The following EYS variants were observed in gnomAD, a reference collection of about 807,000 sequenced individuals.
EYS encodes the protein EGF-like photoreceptor maintenance factor, also known as protein eyes shut homolog.
Under a neutral mutation model 282.1 loss-of-function variants are expected in EYS, and 250 were observed. The ratio of observed to expected loss-of-function variants is 0.89; its 90% confidence interval spans 0.80 to 0.98. The LOEUF (loss-of-function observed/expected upper bound fraction) is 0.98. EYS is among the 50% of genes least tolerant of loss of function. The pLI is 0.00. For synonymous variants in EYS, 1,355 were observed against 1,282.9 expected (o/e 1.06, Z -1.20); for missense variants, 4,016 against 3,709.0 (o/e 1.08, Z -2.15).
chr6:64,352,735 CTA>C (rs1381942967), intron 29 of EYS, among the ~76,000 whole-genome samples: 1 of 151,462 alleles, frequency 6.6e-6, no homozygotes, highest in Admixed American at 6.6e-5. Context: ...GTTCTTATAT[CTA>C]TATGGAAGAA....
intron 14 of EYS, among the ~76,000 whole-genome samples, chr6:64,962,420 T>C (rs944457655): frequency 4.6e-5 from 7 of 152,034 alleles, no homozygotes; most frequent in Non-Finnish European, 8.8e-5. Flanking sequence ...TTCTTTACTC[T>C]AAATTGTGTT....
At chr6:65,277,941 T>C (rs182292566) in intron 12 of EYS, among the ~76,000 whole-genome samples, 77 of 152,254 alleles carry the variant, frequency 5.1e-4, no homozygotes, top group African/African-American at 1.7e-3. Flanking sequence ...GCTTAAACAT[T>C]GTGGGTGTTT....
At chr6:64,243,212 T>C (rs1321367974) in intron 30 of EYS, among the ~76,000 whole-genome samples, 1 of 152,060 alleles carries the variant, frequency 6.6e-6, no homozygotes, top group African/African-American at 2.4e-5. Context: ...AATCACTCTC[T>C]GTGTTACATT....
At chr6:63,809,322 G>A (rs1562036544) in intron 36 of EYS, among the ~76,000 whole-genome samples, 1 of 152,138 alleles carries the variant, frequency 6.6e-6, no homozygotes. Context: ...TCTTCCGCCA[G>A]GTAACATTTG....
At chr6:65,624,592 G>A (rs1377264991) in intron 2 of EYS, among the ~76,000 whole-genome samples, 1 of 152,158 alleles carries the variant, frequency 6.6e-6, no homozygotes, top group African/African-American at 2.4e-5. Context: ...TGCATAGGGA[G>A]AGGCAGACCC....
intron 12 of EYS, among the ~76,000 whole-genome samples, chr6:65,129,092 T>C (rs1775797192): frequency 6.6e-6 from 1 of 152,014 alleles, no homozygotes; most frequent in Non-Finnish European, 1.5e-5. Flanking sequence ...TGGTGGGTGC[T>C]GAGATAACTG....
chr6:64,327,418 G>T (rs142159211), intron 29 of EYS, among the ~76,000 whole-genome samples: 1 of 152,100 alleles, frequency 6.6e-6, no homozygotes, highest in East Asian at 1.9e-4. Context: ...ATGATATTGG[G>T]TTATGCTAAC....
chr6:65,134,132 T>C (rs140067250), intron 12 of EYS, among the ~76,000 whole-genome samples: 1 of 152,006 alleles, frequency 6.6e-6, no homozygotes, highest in African/African-American at 2.4e-5. Flanking sequence ...GCAAAAATTG[T>C]GGAGAAAAGG....
At chr6:64,759,733 T>G (rs1773096502) in intron 22 of EYS, among the ~76,000 whole-genome samples, 1 of 152,184 alleles carries the variant, frequency 6.6e-6, no homozygotes. Flanking sequence ...TCTGAATTAT[T>G]TTTAAGAACA....
intron 12 of EYS, among the ~76,000 whole-genome samples, chr6:65,231,051 G>GTATA (rs201704316): frequency 8.3e-5 from 12 of 144,780 alleles, no homozygotes; most frequent in Non-Finnish European, 1.7e-4. Flanking sequence ...AAAATTAAAA[G>GTATA]TATATATATA....
At chr6:63,966,856 C>T (rs568621154) in intron 35 of EYS, among the ~76,000 whole-genome samples, 1 of 152,294 alleles carries the variant, frequency 6.6e-6, no homozygotes, top group African/African-American at 2.4e-5. Flanking sequence ...AGGGGTTTAT[C>T]TGGCAATAAT....
intron 19 of EYS, among the ~76,000 whole-genome samples, chr6:64,881,519 G>A (rs369431378): frequency 4.3e-4 from 66 of 151,736 alleles, no homozygotes; most frequent in African/African-American, 1.5e-3. Context: ...AAATATCTCC[G>A]ATTACTTTAC....
intron 14 of EYS, among the ~76,000 whole-genome samples, chr6:64,952,158 A>G (rs577663985): frequency 6.6e-6 from 1 of 152,110 alleles, no homozygotes; most frequent in East Asian, 1.9e-4. Flanking sequence ...CAACATCATA[A>G]TGGAGTGAAA....
intron 30 of EYS, among the ~76,000 whole-genome samples, chr6:64,284,766 G>A (rs1768437274): frequency 6.6e-6 from 1 of 152,144 alleles, no homozygotes; most frequent in African/African-American, 2.4e-5. Flanking sequence ...ACACAACCTG[G>A]AAGCTGCCAA....
At chr6:63,992,029 A>G (rs936402161) in intron 34 of EYS, among the ~76,000 whole-genome samples, 2 of 151,824 alleles carry the variant, frequency 1.3e-5, no homozygotes, top group Admixed American at 1.3e-4. Flanking sequence ...AGACATAAAG[A>G]CTTTCCCCAT....
At chr6:64,047,650 G>A (rs1474483738) in intron 33 of EYS, among the ~76,000 whole-genome samples, 1 of 152,188 alleles carries the variant, frequency 6.6e-6, no homozygotes, top group Non-Finnish European at 1.5e-5. Flanking sequence ...CACATAATAA[G>A]CACCATGTGA....
At chr6:65,249,578 T>A (rs1213288995) in intron 12 of EYS, among the ~76,000 whole-genome samples, 1 of 151,860 alleles carries the variant, frequency 6.6e-6, no homozygotes, top group African/African-American at 2.4e-5. Flanking sequence ...AAAAGTGGTT[T>A]AAACACTATC....
At chr6:65,455,140 A>G (rs766727611) in intron 5 of EYS, among the ~76,000 whole-genome samples, 10 of 152,196 alleles carry the variant, frequency 6.6e-5, no homozygotes, top group Non-Finnish European at 1.0e-4. Flanking sequence ...TAAACATGGG[A>G]TTATGTCCGT....
intron 28 of EYS, among the ~76,000 whole-genome samples, chr6:64,394,372 C>T (rs1429149723): frequency 6.6e-6 from 1 of 152,134 alleles, no homozygotes; most frequent in Non-Finnish European, 1.5e-5. Context: ...CGCTACCTGA[C>T]TTCAAACTAT....
Sources: gnomAD v4.1 joint callset for allele counts (sites outside exome capture counted in the v4.1 genomes callset) on GRCh38, gnomAD v4.1.1 for gene constraint, MANE v1.5 for transcripts, NCBI Gene and HGNC (gene_info 2026-07-23, HGNC 2026-07-21) for gene names.